The following ANO3 variants were observed in gnomAD, a reference collection of about 807,000 sequenced individuals.
The protein encoded by ANO3 is anoctamin-3.
ANO3 carries 99 observed loss-of-function variants against 144.8 expected under a neutral mutation model. The ratio of observed to expected loss-of-function variants is 0.68; its 90% CI spans 0.58 to 0.81. The LOEUF (loss-of-function observed/expected upper bound fraction) is 0.81, where lower values mean the gene tolerates loss of function less well. ANO3 is among the 30% of genes least tolerant of loss of function. The pLI is 0.00. For missense variants in ANO3, 905 were observed against 1,202.2 expected (o/e 0.75, Z 3.66); for synonymous variants, 414 against 392.6 (o/e 1.05, Z -0.64).
At chr11:26,244,534 G>A (rs567315808) in intron 1 of ANO3, among the ~76,000 whole-genome samples, 1 of 152,262 alleles carries the variant, frequency 6.6e-6, no homozygotes, top group Non-Finnish European at 1.5e-5. Context: ...GATCGTAGGA[G>A]ACTTAGAGCA....
At chr11:26,317,019 T>C (rs1854641789) in intron 1 of ANO3, among the ~76,000 whole-genome samples, 1 of 152,238 alleles carries the variant, frequency 6.6e-6, no homozygotes, top group South Asian at 2.1e-4. Context: ...TCCTTATTTA[T>C]GCCTGTGGTC....
Position 26,522,220 on chromosome 11 carries a change from A to C in ANO3, c.693-3415A>C, listed in dbSNP as rs192290587. Among the ~76,000 whole-genome samples, 461 of 151,936 alleles carry C rather than the reference A, an allele frequency of 3.0e-3. 1 individual carries two copies. Among genetic ancestry groups the C allele is most frequent in the East Asian group, 7.7e-3 (40 of 5,176 alleles). Reference sequence around the variant, plus strand: ...ACAGCAACAACAACAACAACAAAAAAAAAACATTAAGAGCAATCATTTTTA... The same window carrying C: ...ACAGCAACAACAACAACAACAAAAACAAAACATTAAGAGCAATCATTTTTA... On this transcript the variant is annotated intron_variant, in intron 6 of 26. Transcript: ENST00000256737.
At chr11:26,386,090 G>T (rs868660760) in intron 1 of ANO3, among the ~76,000 whole-genome samples, 12 of 152,142 alleles carry the variant, frequency 7.9e-5, no homozygotes, top group Middle Eastern at 3.4e-3. Context: ...TAATGGGGTA[G>T]GAAAAATGTA....
At chr11:26,508,049 A>G in intron 4 of ANO3, 55 bp from the exon 5 acceptor site, 2 of 1,506,474 alleles carry the variant, frequency 1.3e-6, no homozygotes, top group Non-Finnish European at 1.8e-6. Context: ...AACTGTAACT[A>G]AAACATACAT....
At chr11:26,311,951 T>A (rs1387454783) in intron 1 of ANO3, among the ~76,000 whole-genome samples, 1 of 152,214 alleles carries the variant, frequency 6.6e-6, no homozygotes, top group South Asian at 2.1e-4. Context: ...CTGCACCCAT[T>A]AACTGGTCAT....
At chr11:26,495,757 T>A (rs1860911946) in intron 4 of ANO3, among the ~76,000 whole-genome samples, 2 of 152,194 alleles carry the variant, frequency 1.3e-5, no homozygotes, top group Admixed American at 1.3e-4. Context: ...AGCCTAGGGC[T>A]CATCTTTTCT....
chr11:26,454,428 A>G (rs1410791443), intron 3 of ANO3, among the ~76,000 whole-genome samples: 1 of 152,330 alleles, frequency 6.6e-6, no homozygotes, highest in Middle Eastern at 3.4e-3. Context: ...ACAAACTACC[A>G]TCAGAGAATA....
chr11:26,486,911 A>G (rs935100072), intron 4 of ANO3, among the ~76,000 whole-genome samples: 1 of 152,192 alleles, frequency 6.6e-6, no homozygotes, highest in Non-Finnish European at 1.5e-5. Context: ...AGCATTAACC[A>G]AACGTTTGTT....
intron 6 of ANO3, among the ~76,000 whole-genome samples, chr11:26,520,340 A>G (rs1047280013): frequency 6.6e-6 from 1 of 152,194 alleles, no homozygotes; most frequent in Non-Finnish European, 1.5e-5. Context: ...TGCATGTAAA[A>G]GAAGAGTTCT....
At chr11:26,645,880 G>A (rs1357695639) in intron 23 of ANO3, among the ~76,000 whole-genome samples, 2 of 151,842 alleles carry the variant, frequency 1.3e-5, no homozygotes, top group East Asian at 1.9e-4. Context: ...AATAATATAA[G>A]CACATTAAAG....
At chr11:26,502,990 G>T (rs1196801398) in intron 4 of ANO3, among the ~76,000 whole-genome samples, 1 of 152,042 alleles carries the variant, frequency 6.6e-6, no homozygotes, top group Non-Finnish European at 1.5e-5. Flanking sequence ...TAAAATATTT[G>T]CAAAGTGTTC....
chr11:26,601,286 T>A (rs1365043894), intron 17 of ANO3, among the ~76,000 whole-genome samples: 1 of 152,196 alleles, frequency 6.6e-6, no homozygotes. Context: ...TTGTTTAGCC[T>A]GGAGGGAGTT....
chr11:26,508,289 G>C, intron 5 of ANO3, 27 bp downstream of exon 5: 1 of 1,557,312 alleles, frequency 6.4e-7, no homozygotes. Flanking sequence ...TATTAGTTAT[G>C]TGATAAAATG....
At chr11:26,306,494 G>A (rs1339593615), upstream of ANO3, among the ~76,000 whole-genome samples, 2 of 151,352 alleles carry the variant, frequency 1.3e-5, no homozygotes, top group Admixed American at 6.6e-5. Context: ...GGGAGACCTC[G>A]TCTCTACAAA....
chr11:26,660,207 A>G, intron 26 of ANO3, 55 bp from the exon 27 acceptor site: 1 of 1,508,762 alleles, frequency 6.6e-7, no homozygotes, highest in Non-Finnish European at 9.2e-7. Flanking sequence ...GTACTGTTTT[A>G]TAATTAGCAT....
chr11:26,457,154 AGCATG>A (rs1285527772), intron 3 of ANO3, among the ~76,000 whole-genome samples: 14 of 151,348 alleles, frequency 9.3e-5, no homozygotes, highest in Non-Finnish European at 1.9e-4. Context: ...GCAGCGCACC[AGCATG>A]GCACAGGTAT....
intron 1 of ANO3, among the ~76,000 whole-genome samples, chr11:26,384,510 A>G (rs950808116): frequency 9.9e-5 from 15 of 152,184 alleles, no homozygotes; most frequent in African/African-American, 3.6e-4. Flanking sequence ...AAAATCTTTC[A>G]AAGTTAAGAT....
At chr11:26,270,230 T>G (rs1419534600) in intron 1 of ANO3, among the ~76,000 whole-genome samples, 2 of 152,336 alleles carry the variant, frequency 1.3e-5, no homozygotes, top group East Asian at 1.9e-4. Flanking sequence ...AATATTAATC[T>G]TTTATCAGAT....
At chr11:26,436,504 C>G (rs187624604) in intron 1 of ANO3, among the ~76,000 whole-genome samples, 9 of 152,228 alleles carry the variant, frequency 5.9e-5, no homozygotes, top group Non-Finnish European at 1.3e-4. Flanking sequence ...GCCTGCAAAA[C>G]AGTAAAGATG....
Sources: allele counts gnomAD v4.1 joint callset (sites outside exome capture counted in the v4.1 genomes callset), GRCh38; gene constraint gnomAD v4.1.1; transcripts MANE v1.5; gene names NCBI Gene and HGNC (gene_info 2026-07-23, HGNC 2026-07-21).